The following TAF15 variants were observed in gnomAD, a reference collection of about 807,000 sequenced individuals.
TAF15 encodes the protein TATA-binding protein-associated factor 2N.
In TAF15, 37 loss-of-function variants were observed where a neutral mutation model predicts 102.5. The ratio of observed to expected loss-of-function variants is 0.36; its 90% CI spans 0.28 to 0.47. The LOEUF is 0.47. Among genes scored for constraint, TAF15 ranks in the 20% least tolerant of loss-of-function variants. TAF15 has a pLI of 0.99. For missense variants in TAF15, 652 were observed against 760.7 expected (o/e 0.86, Z 1.68); for synonymous variants, 273 against 259.2 (o/e 1.05, Z -0.51).
chr17:35,822,549 T>C lies in TAF15; in HGVS notation c.291-91T>C, dbSNP rs2087274102. 5 of 1,172,684 alleles carry C rather than the reference T, an allele frequency of 4.3e-6. No individual in the cohort carries two copies. In the South Asian group the frequency reaches 6.6e-5, roughly 16 times the overall value. The allele number at this position is 1,172,684 out of a possible 1,614,324, so 72.6% of individuals were successfully genotyped here. ...CATAAATATGGTTAATGTCTCTAACTGGTCAGGACTCTTAACATCAGTTTC... is the reference window on the plus strand; with the variant it reads ...CATAAATATGGTTAATGTCTCTAACCGGTCAGGACTCTTAACATCAGTTTC... On this transcript the variant is annotated intron_variant, in intron 5 of 15. Transcript: ENST00000605844.
intron 1 of TAF15, 78 bp from the exon 2 acceptor site, chr17:35,817,638 C>T (rs2087210660): frequency 7.8e-7 from 1 of 1,288,916 alleles, no homozygotes; most frequent in African/African-American, 1.5e-5. Context: ...TACCACATTT[C>T]TTCTGTATGA....
At chr17:35,815,846 CTCTAGCTA>C (rs777886261) in intron 1 of TAF15, among the ~76,000 whole-genome samples, 2 of 152,216 alleles carry the variant, frequency 1.3e-5, no homozygotes, top group Non-Finnish European at 2.9e-5. Context: ...TTAGCTACAA[CTCTAGCTA>C]TCTTCTCATG....
intron 1 of TAF15, 85 bp downstream of exon 1, chr17:35,809,661 G>A (rs992052667): frequency 1.0e-5 from 16 of 1,591,676 alleles, no homozygotes; most frequent in Admixed American, 1.0e-4. Context: ...GGAGGGCCCT[G>A]AGGAGAAGCC....
At chr17:35,812,139 A>T (rs549081642) in intron 1 of TAF15, among the ~76,000 whole-genome samples, 33 of 152,316 alleles carry the variant, frequency 2.2e-4, no homozygotes, top group African/African-American at 7.9e-4. Context: ...TGTGTTATGG[A>T]GTTAAAGGAC....
At chr17:35,813,117 C>CAA (rs55754009) in intron 1 of TAF15, among the ~76,000 whole-genome samples, 623 of 57,604 alleles carry the variant, frequency 0.011, 24 homozygotes, top group Middle Eastern at 0.028. Context: ...GACTCTGTCT[C>CAA]AAAAAAAAAA....
At chr17:35,837,681 G>A (rs2087492914) in intron 10 of TAF15, among the ~76,000 whole-genome samples, 1 of 152,024 alleles carries the variant, frequency 6.6e-6, no homozygotes, top group Non-Finnish European at 1.5e-5. Context: ...CAAGAAATTA[G>A]ATGGGCGTGG....
At chr17:35,816,578 C>T (rs915697300) in intron 1 of TAF15, 5 of 152,152 alleles carry the variant, frequency 3.3e-5, no homozygotes, top group African/African-American at 1.2e-4. Flanking sequence ...TGAGGTTGGG[C>T]CTGATGGTCA....
Position 35,836,127 on chromosome 17 carries a change from CTT to C in TAF15, c.674-4_674-3del, listed in dbSNP as rs2087471622. The C allele has an allele frequency of 6.2e-7, 1 of 1,602,762 alleles. No individual in the cohort carries two copies. The highest frequency in any genetic ancestry group is 1.1e-5 in the South Asian group (1 of 90,716). ...TAAAATTAACCATCACTTTTTTTCT[CTT>C]AGATTCAGAATCTGATAATTCAGAT... On this transcript the variant is annotated splice_polypyrimidine_tract_variant and splice_region_variant and intron_variant, in intron 9 of 15. Transcript: ENST00000605844.
At chr17:35,813,326 G>T (rs2087149396) in intron 1 of TAF15, among the ~76,000 whole-genome samples, 1 of 151,928 alleles carries the variant, frequency 6.6e-6, no homozygotes, top group Non-Finnish European at 1.5e-5. Context: ...ATTCAATTCA[G>T]GGGGATAAGA....
In TAF15 at chr17:35,823,971, G is replaced by A. The variant is rs4251753; in HGVS notation, c.485-107G>A. On this transcript the variant is annotated intron_variant, in intron 6 of 15. Coordinates refer to ENST00000605844, the MANE Select transcript of TAF15 (RefSeq NM_139215.3). The stretch of plus-strand genomic sequence containing the variant: ...TTGCATTTGAGTTGTGTGCACATGT[G>A]CCATTTTCTATAAGGATATGTGTGG... 4.9e-3 allele frequency: 6,887 copies of A among 1,393,098 alleles called. 235 individuals are homozygous for A. The African/African-American group carries it at 0.082, about 17-fold the overall frequency. The allele number at this position is 1,393,098 out of a possible 1,614,324, so 86.3% of individuals were successfully genotyped here. A position where few individuals can be genotyped will look rare whatever the true frequency, so the allele number is the denominator to read the frequency against.
chr17:35,840,128 G>A (rs1359520542), intron 11 of TAF15, among the ~76,000 whole-genome samples: 6 of 151,950 alleles, frequency 3.9e-5, no homozygotes, highest in Admixed American at 6.6e-5. Context: ...AAACTCAGCC[G>A]TGCTGGATCT....
intron 11 of TAF15, among the ~76,000 whole-genome samples, chr17:35,839,547 A>T (rs868590886): frequency 1.3e-5 from 2 of 151,700 alleles, no homozygotes; most frequent in African/African-American, 4.8e-5. Flanking sequence ...ACGCCCTGCT[A>T]ATTTTTTTGT....
intron 11 of TAF15, among the ~76,000 whole-genome samples, chr17:35,839,696 A>G (rs2087520814): frequency 6.6e-6 from 1 of 151,784 alleles, no homozygotes; most frequent in East Asian, 1.9e-4. Context: ...TGCTTTTTTT[A>G]ACAGAAAGTA....
intron 2 of TAF15, among the ~76,000 whole-genome samples, chr17:35,818,039 A>G (rs915378134): frequency 1.3e-5 from 2 of 151,902 alleles, no homozygotes; most frequent in African/African-American, 4.8e-5. Flanking sequence ...CTCCTGCCTC[A>G]GTCTCCCAAG....
At chr17:35,838,580 C>T in intron 11 of TAF15, 27 bp downstream of exon 11, 1 of 1,611,950 alleles carries the variant, frequency 6.2e-7, no homozygotes, top group South Asian at 1.1e-5. Context: ...TAGTTTTCAG[C>T]ATGAAGTTGG....
chr17:35,831,641 AAAGT>A (rs766413064), intron 7 of TAF15, among the ~76,000 whole-genome samples: 3 of 152,300 alleles, frequency 2.0e-5, no homozygotes, highest in African/African-American at 2.4e-5. Context: ...AGATGGCAAC[AAAGT>A]AAGAGGCATT....
At chr17:35,812,399 C>G (rs1234642955) in intron 1 of TAF15, among the ~76,000 whole-genome samples, 6 of 151,696 alleles carry the variant, frequency 4.0e-5, no homozygotes, top group Non-Finnish European at 8.8e-5. Flanking sequence ...GAGTTCGAGA[C>G]CAGCTTGACC....
chr17:35,826,555 A>G (rs909720861), intron 7 of TAF15, among the ~76,000 whole-genome samples: 2 of 142,304 alleles, frequency 1.4e-5, no homozygotes, highest in African/African-American at 5.4e-5. Context: ...TAAAGTTCAT[A>G]TAATTTTTTT....
rs148009008 is a variant in TAF15 at position 35,844,154 on chromosome 17, A to G, written c.1084A>G (p.Asn362Asp). Residue 362 changes from asparagine (N) to aspartate (D), a missense_variant, in exon 13 of 16, where the codon AAT (asparagine) becomes GAT (aspartate). Around this residue, in one of 3 missense-constraint regions of TAF15, gnomAD observed 368 missense variants for 367.5 expected, o/e 1.00. Coordinates refer to ENST00000605844, the MANE Select transcript of TAF15 (RefSeq NM_139215.3). ...CAAAAGTGGGGATTGGGTTTGCCCT[A>G]ATCCGTAAGTGTCTTGTTTACTTTG... ...DPKSGDWVCP[N>D]PSCGNMNFAR... is the part of the protein sequence containing the mutation. The G allele has an allele frequency of 6.8e-6, 11 of 1,613,892 alleles. No individual in the cohort carries two copies. In the African/African-American group the frequency reaches 1.2e-4, roughly 18 times the overall value.
Sources: allele counts gnomAD v4.1 joint callset (sites outside exome capture counted in the v4.1 genomes callset), GRCh38; gene constraint gnomAD v4.1.1; regional missense constraint gnomAD v4.1.1; transcripts MANE v1.5; gene names NCBI Gene and HGNC (gene_info 2026-07-23, HGNC 2026-07-21).